Variants in LARGE1 observed in about 807,000 individuals in gnomAD.
LARGE1 encodes the protein LARGE xylosyl- and glucuronyltransferase 1.
LARGE1 carries 43 observed loss-of-function variants against 87.6 expected under a neutral mutation model. The ratio of observed to expected loss-of-function variants is 0.49; its 90% CI spans 0.38 to 0.63. LARGE1 has a LOEUF of 0.63. Among genes scored for constraint, LARGE1 ranks in the 30% least tolerant of loss-of-function variants. The pLI, the probability that LARGE1 is intolerant of heterozygous loss-of-function variation, is 0.00. For missense variants in LARGE1, 802 were observed against 1,000.2 expected, an observed-to-expected ratio of 0.80 and a Z score of 2.67; for synonymous variants, 434 against 394.6, an observed-to-expected ratio of 1.10 and a Z score of -1.18.
intron 9 of LARGE1, among the ~76,000 whole-genome samples, chr22:33,338,550 A>G (rs1223702357): frequency 6.6e-6 from 1 of 152,252 alleles, no homozygotes; most frequent in African/African-American, 2.4e-5. Context: ...TTTAAAGATT[A>G]AATTCTCTGT....
the LARGE1 span, among the ~76,000 whole-genome samples, chr22:33,119,537 C>T: frequency 6.6e-6 from 1 of 151,748 alleles, no homozygotes; most frequent in Non-Finnish European, 1.5e-5. Context: ...CTGTTATGGG[C>T]ACAAAGTCCC....
chr22:33,919,031 CTGAG>C (rs1171244007), intron 1 of LARGE1, among the ~76,000 whole-genome samples: 27 of 150,232 alleles, frequency 1.8e-4, no homozygotes, highest in African/African-American at 2.7e-4. Context: ...TTTTAATGGA[CTGAG>C]TGACAAAATT....
At chr22:33,250,136 T>C (rs1364627544) in intron 11 of LARGE1, among the ~76,000 whole-genome samples, 2 of 152,210 alleles carry the variant, frequency 1.3e-5, no homozygotes, top group East Asian at 3.8e-4. Context: ...AGGTCTGATA[T>C]CTTGATAACA....
intron 2 of LARGE1, among the ~76,000 whole-genome samples, chr22:33,695,262 C>G (rs2082209773): frequency 6.6e-6 from 1 of 151,948 alleles, no homozygotes; most frequent in Non-Finnish European, 1.5e-5. Flanking sequence ...CGCCACCATA[C>G]CCTGCTAATT....
intron 6 of LARGE1, among the ~76,000 whole-genome samples, chr22:33,514,245 C>T (rs2071189751): frequency 6.6e-6 from 1 of 151,598 alleles, no homozygotes; most frequent in African/African-American, 2.4e-5. Context: ...GTATACATCT[C>T]ACATAGCTTT....
At chr22:33,896,985 C>G (rs1316599407) in intron 1 of LARGE1, among the ~76,000 whole-genome samples, 1 of 152,148 alleles carries the variant, frequency 6.6e-6, no homozygotes. Flanking sequence ...CCCTGGAAAA[C>G]AGTTGAAGCT....
intron 11 of LARGE1, among the ~76,000 whole-genome samples, chr22:33,313,589 A>G (rs1935837847): frequency 1.3e-5 from 2 of 152,166 alleles, no homozygotes; most frequent in African/African-American, 4.8e-5. Context: ...TGGGCCAGAG[A>G]GATTCTCCTG....
At chr22:33,808,698 CTTCT>C (rs1321718018) in intron 1 of LARGE1, among the ~76,000 whole-genome samples, 2 of 152,224 alleles carry the variant, frequency 1.3e-5, no homozygotes, top group African/African-American at 2.4e-5. Context: ...TGGAGTTGCA[CTTCT>C]TTGAGGATGT....
intron 6 of LARGE1, among the ~76,000 whole-genome samples, chr22:33,543,207 GAAAAAAAGAA>G (rs1478319717): frequency 9.2e-6 from 1 of 108,118 alleles, no homozygotes; most frequent in Non-Finnish European, 2.2e-5. Context: ...GGCCAAAAAA[GAAAAAAAGAA>G]AAAAAAAAAG....
At chr22:33,885,320 G>A (rs1203385119) in intron 1 of LARGE1, among the ~76,000 whole-genome samples, 1 of 152,156 alleles carries the variant, frequency 6.6e-6, no homozygotes, top group South Asian at 2.1e-4. Context: ...CCTCTGCGGA[G>A]GGGGCAGCTC....
intron 5 of LARGE1, among the ~76,000 whole-genome samples, chr22:33,590,961 G>A (rs2078819387): frequency 2.0e-5 from 3 of 152,208 alleles, no homozygotes; most frequent in Admixed American, 2.0e-4. Context: ...CCAGCACTTT[G>A]GGAGGCTGAG....
intron 7 of LARGE1, among the ~76,000 whole-genome samples, chr22:33,403,889 C>T (rs960100070): frequency 3.9e-5 from 6 of 152,162 alleles, no homozygotes; most frequent in South Asian, 2.1e-4. Context: ...TGAGCCACCG[C>T]GCCCGGCCCA....
chr22:33,862,670 A>C (rs2146605445), intron 1 of LARGE1, among the ~76,000 whole-genome samples: 1 of 152,288 alleles, frequency 6.6e-6, no homozygotes, highest in South Asian at 2.1e-4. Flanking sequence ...GCCTGGGTTC[A>C]AATCCCAGCT....
In LARGE1 at chr22:33,309,946, G is replaced by A. The variant is rs183581768; in HGVS notation, c.1452-5439C>T. On this transcript the variant is annotated intron_variant, in intron 11 of 14. Transcript: ENST00000397394. ...CAAGAAGTCATCTGAGGGTTTTAAT[G>A]ATGTGACCTGATTTACATTTTTAAA... Among the ~76,000 whole-genome samples the A allele has an allele frequency of 4.6e-5, 7 of 152,282 alleles. No homozygotes were observed. In the East Asian group the frequency reaches 1.4e-3, roughly 29 times the overall value.
At chr22:33,200,834 G>A (rs889095488) in intron 11 of LARGE1, among the ~76,000 whole-genome samples, 1 of 152,152 alleles carries the variant, frequency 6.6e-6, no homozygotes, top group African/African-American at 2.4e-5. Flanking sequence ...AGTGCTAGTG[G>A]GTTCAGGGAT....
At chr22:33,114,045 A>AT in the LARGE1 span, among the ~76,000 whole-genome samples, 7,097 of 135,708 alleles carry the variant, frequency 0.052, 254 homozygotes, top group East Asian at 0.15. Flanking sequence ...TAATTTTTCT[A>AT]TTTTTTTTTT....
chr22:33,749,531 T>G (rs1474211610), intron 2 of LARGE1, among the ~76,000 whole-genome samples: 1 of 152,248 alleles, frequency 6.6e-6, no homozygotes, highest in Non-Finnish European at 1.5e-5. Context: ...CACTTGTCCT[T>G]GGGGGCTATG....
At chr22:33,855,007 G>A (rs1161142380) in intron 1 of LARGE1, among the ~76,000 whole-genome samples, 4 of 152,088 alleles carry the variant, frequency 2.6e-5, no homozygotes, top group Admixed American at 6.6e-5. Flanking sequence ...AGCTCAGGAG[G>A]CCCGGGCAGT....
At chr22:33,432,743 C>T (rs991093864) in intron 6 of LARGE1, among the ~76,000 whole-genome samples, 24 of 152,172 alleles carry the variant, frequency 1.6e-4, no homozygotes, top group African/African-American at 3.9e-4. Flanking sequence ...TGGTTTCTCA[C>T]GACAGGGAGG....
Sources: gnomAD v4.1 joint callset for allele counts (sites outside exome capture counted in the v4.1 genomes callset) on GRCh38, gnomAD v4.1.1 for gene constraint, MANE v1.5 for transcripts, NCBI Gene and HGNC (gene_info 2026-07-23, HGNC 2026-07-21) for gene names.